The following SLC9C2 variants were observed in gnomAD, a reference collection of about 807,000 sequenced individuals.
SLC9C2 encodes the protein sodium/hydrogen exchanger 11.
A neutral mutation model predicts 140.2 loss-of-function variants in SLC9C2; 75 were observed. The ratio of observed to expected loss-of-function variants is 0.53; its 90% confidence interval spans 0.44 to 0.65. The LOEUF (loss-of-function observed/expected upper bound fraction) is 0.65. Among genes scored for constraint, SLC9C2 ranks in the 30% least tolerant of loss-of-function variants. The pLI, the probability that SLC9C2 is intolerant of heterozygous loss-of-function variation, is 0.00. For synonymous variants in SLC9C2, 375 were observed against 420.9 expected (o/e 0.89, Z 1.34); for missense variants, 1,074 against 1,331.8 (o/e 0.81, Z 3.01).
chr1:173,569,364 C>T (rs12040255), intron 9 of SLC9C2, among the ~76,000 whole-genome samples: 21,068 of 151,694 alleles, frequency 0.14, 1,718 homozygotes, highest in East Asian at 0.31. Flanking sequence ...TTCTTTTCTG[C>T]TTTTAGGGTC....
chr1:173,524,525 G>A (rs529922267), intron 20 of SLC9C2, among the ~76,000 whole-genome samples: 12 of 152,272 alleles, frequency 7.9e-5, no homozygotes, highest in Non-Finnish European at 1.5e-4. Context: ...GCGTCCTTTT[G>A]ATAAATCCCC....
At chr1:173,561,148 T>C (rs1393665050) in intron 9 of SLC9C2, among the ~76,000 whole-genome samples, 1 of 152,200 alleles carries the variant, frequency 6.6e-6, no homozygotes, top group Admixed American at 6.5e-5. Context: ...CCTTATGTTA[T>C]AGTTATTTAT....
At chr1:173,576,574 AAG>A in intron 8 of SLC9C2, 85 bp downstream of exon 8, 1 of 742,030 alleles carries the variant, frequency 1.3e-6, no homozygotes, top group Non-Finnish European at 2.2e-6. Flanking sequence ...GTTATGGAAA[AAG>A]AGTTTTACTA....
chr1:173,507,295 G>C (rs749237975), intron 24 of SLC9C2, among the ~76,000 whole-genome samples: 7 of 152,130 alleles, frequency 4.6e-5, no homozygotes, highest in African/African-American at 1.2e-4. Flanking sequence ...CCACAGCAGG[G>C]TAGTTGGCTA....
chr1:173,528,392 C>T (rs1016493030), intron 18 of SLC9C2, among the ~76,000 whole-genome samples: 55 of 152,184 alleles, frequency 3.6e-4, no homozygotes, highest in Non-Finnish European at 7.9e-4. Context: ...TAACTCCCCC[C>T]ACTGTCTCTT....
intron 10 of SLC9C2, among the ~76,000 whole-genome samples, 168 bp from the exon 11 acceptor site, chr1:173,554,982 TG>T (rs1434050481): frequency 6.6e-6 from 1 of 152,246 alleles, no homozygotes; most frequent in Non-Finnish European, 1.5e-5. Flanking sequence ...TTGTGGACAT[TG>T]CCTGAACACA....
At chr1:173,536,633 G>A (rs7546921) in intron 14 of SLC9C2, among the ~76,000 whole-genome samples, 52,528 of 152,050 alleles carry the variant, frequency 0.35, 11,195 homozygotes, top group East Asian at 0.64. Flanking sequence ...TAGTTATTGA[G>A]GTTATATAAG....
chr1:173,573,472 G>A, intron 8 of SLC9C2, 147 bp from the exon 9 acceptor site: 1 of 567,924 alleles, frequency 1.8e-6, no homozygotes, highest in Non-Finnish European at 2.8e-6. Context: ...ACATTTAAAA[G>A]AATTTTGTTG....
At chr1:173,533,510 T>A in intron 17 of SLC9C2, 99 bp downstream of exon 17, 1 of 834,294 alleles carries the variant, frequency 1.2e-6, no homozygotes, top group Non-Finnish European at 1.9e-6. Context: ...ACTTCTGGAC[T>A]CAAGCAATCC....
chr1:173,600,453 CAT>C (rs929373504), intron 2 of SLC9C2, among the ~76,000 whole-genome samples: 4 of 151,790 alleles, frequency 2.6e-5, no homozygotes, highest in African/African-American at 9.7e-5. Context: ...TACAAAATTA[CAT>C]GAGATAGTCA....
chr1:173,581,437 T>C (rs1315031520), intron 7 of SLC9C2, among the ~76,000 whole-genome samples: 5 of 152,184 alleles, frequency 3.3e-5, no homozygotes, highest in African/African-American at 1.2e-4. Flanking sequence ...GTCTTCTCAA[T>C]TTGGCATCCA....
chr1:173,545,421 G>A (rs2102046018), intron 13 of SLC9C2, among the ~76,000 whole-genome samples: 1 of 152,306 alleles, frequency 6.6e-6, no homozygotes, highest in Non-Finnish European at 1.5e-5. Flanking sequence ...GGGGAGAATT[G>A]GTATGTGTGC....
In SLC9C2 at chr1:173,559,440, G is replaced by A. The variant is rs187737172; in HGVS notation, c.1047-1932C>T. Reference sequence around the variant, plus strand: ...CTGTTCTTGAGACATCTACTGGGAAGTATTCTTGGTCTATTTTTTTCAGCA... The same window carrying A: ...CTGTTCTTGAGACATCTACTGGGAAATATTCTTGGTCTATTTTTTTCAGCA... On this transcript the variant is annotated intron_variant, in intron 9 of 27. Transcript: ENST00000367714. Among the ~76,000 whole-genome samples, 553 of 152,354 alleles carry A rather than the reference G, an allele frequency of 3.6e-3. 6 individuals carry two copies. Among genetic ancestry groups the A allele is most frequent in the African/African-American group, 0.013 (532 of 41,582 alleles).
Position 173,547,777 on chromosome 1 carries a change from T to C in SLC9C2, c.1469A>G (p.His490Arg), listed in dbSNP as rs1662962578. 1.2e-6 allele frequency: 2 copies of C among 1,608,198 alleles called. No individual in the cohort carries two copies. The highest frequency in any genetic ancestry group is 1.7e-6 in the Non-Finnish European group (2 of 1,175,644). The change falls in exon 13 of 28, where the codon CAC becomes CGC. Residue 490 changes from histidine (H) to arginine (R), a missense_variant. Transcript: ENST00000367714. ...TGTCTTCATATCATTATGTGAAACG[T>C]GGGAAAACTGAACCGTATCAGATGA... ...KTRIEYIPFS[H>R]VSHNDMKTES...
At chr1:173,520,911 CCT>C (rs150006115) in intron 22 of SLC9C2, among the ~76,000 whole-genome samples, 15 of 150,522 alleles carry the variant, frequency 1.0e-4, no homozygotes, top group African/African-American at 1.5e-4. Context: ...AATCTCTCTC[CCT>C]CTCTCTCTCT....
intron 13 of SLC9C2, among the ~76,000 whole-genome samples, chr1:173,543,660 T>C (rs1050794162): frequency 3.9e-5 from 6 of 152,146 alleles, no homozygotes; most frequent in Non-Finnish European, 7.4e-5. Context: ...AACAGAAGTA[T>C]AGACCAATGG....
In SLC9C2 at chr1:173,501,034, C is replaced by T. The variant is rs1659228269; in HGVS notation, c.*60G>A. On this transcript the variant is annotated 3_prime_UTR_variant, in exon 28 of 28. Coordinates refer to ENST00000367714, the MANE Select transcript of SLC9C2 (RefSeq NM_178527.4). The stretch of plus-strand genomic sequence containing the variant: ...GCGAGGAAAGTAGTTTGGTCTTTAA[C>T]CTGACTCCACACATCATATTTGTAT... 2 of 1,443,542 alleles carry T rather than the reference C, an allele frequency of 1.4e-6. No homozygotes were observed. Among genetic ancestry groups the T allele is most frequent in the Non-Finnish European group, 9.1e-7 (1 of 1,094,578 alleles). 89.4% of individuals were successfully genotyped at this position (1,443,542 alleles called of 1,614,324 possible).
rs367693561 is a variant in SLC9C2, at chr1:173,530,748, ATC to A, written c.2164-696_2164-695del. ...AATAGAGGGGCTCCTCAAAATCCAC[ATC>A]GTCACTCACACAGACAGGGGGCTTC... On this transcript the variant is annotated intron_variant, in intron 17 of 27. Coordinates refer to ENST00000367714, the MANE Select transcript of SLC9C2 (RefSeq NM_178527.4). 5.2e-3 allele frequency among the ~76,000 whole-genome samples: 786 copies of A among 152,306 alleles called. 9 individuals carry two copies. The highest frequency in any genetic ancestry group is 0.017 in the African/African-American group (709 of 41,554).
chr1:173,568,313 G>T (rs1664622532), intron 9 of SLC9C2, among the ~76,000 whole-genome samples: 1 of 152,006 alleles, frequency 6.6e-6, no homozygotes, highest in Non-Finnish European at 1.5e-5. Context: ...CTCAGTGTCT[G>T]TTGTTTCCTT....
Sources: allele counts gnomAD v4.1 joint callset (sites outside exome capture counted in the v4.1 genomes callset), GRCh38; gene constraint gnomAD v4.1.1; transcripts MANE v1.5; gene names NCBI Gene and HGNC (gene_info 2026-07-23, HGNC 2026-07-21).